Variants in SLC25A21 observed in about 807,000 individuals in gnomAD.
SLC25A21 encodes solute carrier family 25 member 21, also known as mitochondrial 2-oxodicarboxylate carrier.
SLC25A21 carries 47 observed loss-of-function variants against 43.8 expected under a neutral mutation model. The observed-to-expected ratio is 1.07, with a 90% confidence interval of 0.85 to 1.37. The LOEUF is 1.37. SLC25A21 is among the 40% of genes most tolerant of loss of function. The pLI is 0.00. For synonymous variants in SLC25A21, 131 were observed against 121.3 expected (o/e 1.08, Z -0.52); for missense variants, 352 against 350.2 (o/e 1.00, Z -0.04).
At chr14:36,782,266 C>A (rs1887091333) in intron 3 of SLC25A21, among the ~76,000 whole-genome samples, 3 of 152,206 alleles carry the variant, frequency 2.0e-5, no homozygotes, top group African/African-American at 7.2e-5. Context: ...TGGATATCCA[C>A]ATCTTGCCCA....
intron 7 of SLC25A21, among the ~76,000 whole-genome samples, chr14:36,705,732 A>C (rs930698867): frequency 6.6e-6 from 1 of 152,154 alleles, no homozygotes; most frequent in Non-Finnish European, 1.5e-5. Context: ...GATTTTTTTT[A>C]AATTAAAGAA....
chr14:36,979,424 T>C (rs1195670944), intron 1 of SLC25A21, among the ~76,000 whole-genome samples: 1 of 151,698 alleles, frequency 6.6e-6, no homozygotes, highest in African/African-American at 2.4e-5. Context: ...GGCGTGATAG[T>C]GGCTCACTGC....
intron 1 of SLC25A21, among the ~76,000 whole-genome samples, chr14:36,970,291 G>A (rs1959720667): frequency 6.6e-6 from 1 of 152,116 alleles, no homozygotes; most frequent in Admixed American, 6.5e-5. Flanking sequence ...GGTTGTCCAG[G>A]ATGGTATAAC....
chr14:37,062,136 A>C (rs2138813141), intron 1 of SLC25A21, among the ~76,000 whole-genome samples: 1 of 152,360 alleles, frequency 6.6e-6, no homozygotes, highest in South Asian at 2.1e-4. Context: ...AGAAGTAATA[A>C]AATACTTTGT....
chr14:37,032,593 C>G (rs1027199158), intron 1 of SLC25A21, among the ~76,000 whole-genome samples: 5 of 142,804 alleles, frequency 3.5e-5, no homozygotes, highest in African/African-American at 1.4e-4. Context: ...ATTGCTTGAA[C>G]CCGGGAGGTG....
chr14:36,821,928 T>C (rs1440704843), intron 2 of SLC25A21, among the ~76,000 whole-genome samples: 1 of 152,136 alleles, frequency 6.6e-6, no homozygotes, highest in African/African-American at 2.4e-5. Flanking sequence ...CCTCTAATCA[T>C]GTTCGAAGGG....
At chr14:37,141,830 C>T (rs1963576550) in intron 1 of SLC25A21, among the ~76,000 whole-genome samples, 1 of 152,166 alleles carries the variant, frequency 6.6e-6, no homozygotes, top group African/African-American at 2.4e-5. Flanking sequence ...ACATTTTCGT[C>T]TGAGTACTTT....
chr14:36,742,967 A>AT (rs34460841), intron 3 of SLC25A21, among the ~76,000 whole-genome samples: 1 of 152,166 alleles, frequency 6.6e-6, no homozygotes, highest in African/African-American at 2.4e-5. Context: ...CAACAATGAA[A>AT]TTTTTTTGGG....
At chr14:37,121,782 C>T (rs1489490032) in intron 1 of SLC25A21, among the ~76,000 whole-genome samples, 1 of 105,068 alleles carries the variant, frequency 9.5e-6, no homozygotes, top group Non-Finnish European at 1.9e-5. Flanking sequence ...GAACGAGACT[C>T]CATCTCAAAA....
intron 1 of SLC25A21, among the ~76,000 whole-genome samples, chr14:36,947,320 G>A (rs1050588519): frequency 1.3e-5 from 2 of 152,150 alleles, no homozygotes; most frequent in African/African-American, 2.4e-5. Flanking sequence ...AACCAGAGAA[G>A]GTTCATAATT....
chr14:37,149,304 T>C (rs941505154), intron 1 of SLC25A21, among the ~76,000 whole-genome samples: 1 of 152,180 alleles, frequency 6.6e-6, no homozygotes, highest in African/African-American at 2.4e-5. Context: ...CTACTGTCAC[T>C]TTCTTGATGC....
intron 1 of SLC25A21, among the ~76,000 whole-genome samples, chr14:36,950,226 T>C (rs1321084725): frequency 6.6e-6 from 1 of 152,194 alleles, no homozygotes; most frequent in East Asian, 1.9e-4. Context: ...TTTTGTTCAT[T>C]ATTTATCCAA....
chr14:37,065,348 A>T (rs1486142994), intron 1 of SLC25A21, among the ~76,000 whole-genome samples: 1 of 152,192 alleles, frequency 6.6e-6, no homozygotes. Context: ...AGCTGACAAG[A>T]AAGTATTTTA....
intron 1 of SLC25A21, among the ~76,000 whole-genome samples, chr14:36,897,808 C>A (rs577824836): frequency 1.3e-5 from 2 of 152,334 alleles, no homozygotes; most frequent in South Asian, 4.1e-4. Context: ...ACTCCAGACA[C>A]TGTTTGCCTG....
rs748996886 is a variant in SLC25A21 at position 36,968,078 on chromosome 14, GTAAC to G, written c.71-93078_71-93075del. ...ACAGGGAAGAGCACACGTAGTGGAGGTAACAGCATGTACAAAAGTGCTAGTAGAA... is the reference window on the plus strand; with the variant it reads ...ACAGGGAAGAGCACACGTAGTGGAGGAGCATGTACAAAAGTGCTAGTAGAA... On this transcript the variant is annotated intron_variant, in intron 1 of 9. Transcript: ENST00000331299. 8.5e-4 allele frequency among the ~76,000 whole-genome samples: 129 copies of G among 152,262 alleles called. 1 individual carries two copies. Among genetic ancestry groups the G allele is most frequent in the Non-Finnish European group, 2.6e-4 (18 of 68,020 alleles).
chr14:36,919,741 C>A (rs985489278), intron 1 of SLC25A21, among the ~76,000 whole-genome samples: 7 of 151,870 alleles, frequency 4.6e-5, no homozygotes, highest in African/African-American at 1.7e-4. Context: ...GGCTGAAGAA[C>A]AGACAGTAGG....
chr14:36,980,990 G>GA (rs768098353), intron 1 of SLC25A21, among the ~76,000 whole-genome samples: 276 of 151,976 alleles, frequency 1.8e-3, no homozygotes, highest in Non-Finnish European at 1.7e-3. Context: ...AAGTTTACAA[G>GA]AAAAAATCAA....
At chr14:36,979,332 G>GTTTTTTTTTTTTTTTTTTTTTTTT (rs1283870965) in intron 1 of SLC25A21, among the ~76,000 whole-genome samples, 1 of 119,054 alleles carries the variant, frequency 8.4e-6, no homozygotes, top group African/African-American at 3.1e-5. Flanking sequence ...TGTTTTTTTG[G>GTTTTTTTTTTTTTTTTTTTTTTTT]TTTTTTTTTT....
At chr14:36,849,320 C>A (rs962658943) in intron 2 of SLC25A21, among the ~76,000 whole-genome samples, 7 of 152,046 alleles carry the variant, frequency 4.6e-5, no homozygotes, top group Non-Finnish European at 1.0e-4. Flanking sequence ...GAAACACTTC[C>A]ATATTGAGTA....
Sources: allele counts gnomAD v4.1 joint callset (sites outside exome capture counted in the v4.1 genomes callset), GRCh38; gene constraint gnomAD v4.1.1; transcripts MANE v1.5; gene names NCBI Gene and HGNC (gene_info 2026-07-23, HGNC 2026-07-21).